The following CDH12 variants were observed in gnomAD, a reference collection of about 807,000 sequenced individuals.
The protein encoded by CDH12 is cadherin 12.
In CDH12, 41 loss-of-function variants were observed where a neutral mutation model predicts 74.1. The observed-to-expected ratio is 0.55, with a 90% CI of 0.43 to 0.72. CDH12 has a LOEUF of 0.72. CDH12 is among the 30% of genes least tolerant of loss of function. The pLI, the probability that CDH12 is intolerant of heterozygous loss-of-function variation, is 0.00. For missense variants in CDH12, 945 were observed against 977.2 expected, an observed-to-expected ratio of 0.97 and a Z score of 0.44; for synonymous variants, 399 against 355.0, an observed-to-expected ratio of 1.12 and a Z score of -1.39.
At chr5:22,138,593 A>G (rs1393854551) in intron 4 of CDH12, among the ~76,000 whole-genome samples, 1 of 150,554 alleles carries the variant, frequency 6.6e-6, no homozygotes, top group Non-Finnish European at 1.5e-5. Flanking sequence ...AATTTGATGG[A>G]AGCATTTTTT....
intron 1 of CDH12, among the ~76,000 whole-genome samples, chr5:22,661,090 C>G (rs993056060): frequency 6.6e-6 from 1 of 151,712 alleles, no homozygotes; most frequent in Non-Finnish European, 1.5e-5. Flanking sequence ...GAGCCTGATA[C>G]TTCTAATGTG....
At chr5:22,549,479 A>G (rs1207017233) in intron 1 of CDH12, among the ~76,000 whole-genome samples, 1 of 151,944 alleles carries the variant, frequency 6.6e-6, no homozygotes, top group Non-Finnish European at 1.5e-5. Context: ...AAGATACTTT[A>G]TATTTTTGTA....
intron 6 of CDH12, among the ~76,000 whole-genome samples, chr5:21,912,638 G>C (rs1753907096): frequency 6.6e-6 from 1 of 152,142 alleles, no homozygotes; most frequent in South Asian, 2.1e-4. Flanking sequence ...GGCAGCAGTT[G>C]TTAACTTTGA....
Position 22,512,968 on chromosome 5 carries a change from C to T in CDH12, c.-522-7604G>A, listed in dbSNP as rs933084386. ...ACCCAGGAGGGTTGAACCCAGGAGG[C>T]GGAGGTTGCAGTGAGCCGAGATCCC... On this transcript the variant is annotated intron_variant, in intron 1 of 14. Coordinates refer to ENST00000382254, the MANE Select transcript of CDH12 (RefSeq NM_004061.5). 3.9e-5 allele frequency among the ~76,000 whole-genome samples: 6 copies of T among 152,068 alleles called. 1 individual carries two copies. The highest frequency in any genetic ancestry group is 3.3e-4 in the Admixed American group (5 of 15,274).
intron 9 of CDH12, among the ~76,000 whole-genome samples, chr5:21,805,909 T>C (rs1387388522): frequency 1.3e-5 from 2 of 152,108 alleles, no homozygotes; most frequent in African/African-American, 4.8e-5. Flanking sequence ...CATTTAATGG[T>C]TATGAACCTC....
chr5:22,499,405 A>G (rs1345137053), intron 2 of CDH12, among the ~76,000 whole-genome samples: 1 of 152,158 alleles, frequency 6.6e-6, no homozygotes, highest in Non-Finnish European at 1.5e-5. Flanking sequence ...ATGGCAGAAA[A>G]GTCTAGCTGG....
intron 3 of CDH12, among the ~76,000 whole-genome samples, chr5:22,404,271 C>T (rs1449976816): frequency 6.6e-6 from 1 of 151,918 alleles, no homozygotes; most frequent in African/African-American, 2.4e-5. Flanking sequence ...CACAAACTCA[C>T]CTATTTAGAT....
chr5:22,152,327 T>C (rs1161166415), intron 4 of CDH12: 1 of 152,310 alleles, frequency 6.6e-6, no homozygotes, highest in East Asian at 1.9e-4. Context: ...TGCTGAACAT[T>C]AGACATAATT....
chr5:22,726,686 C>A (rs140926890), intron 1 of CDH12, among the ~76,000 whole-genome samples: 1 of 151,766 alleles, frequency 6.6e-6, no homozygotes, highest in African/African-American at 2.4e-5. Flanking sequence ...GATGTTTTTA[C>A]AACAGAACAT....
chr5:22,563,312 G>T (rs1466210502), intron 1 of CDH12, among the ~76,000 whole-genome samples: 1 of 151,912 alleles, frequency 6.6e-6, no homozygotes, highest in Non-Finnish European at 1.5e-5. Context: ...TTTTTGATTT[G>T]CATTTCTCTG....
intron 3 of CDH12, among the ~76,000 whole-genome samples, chr5:22,269,579 TAA>T: frequency 6.6e-6 from 1 of 152,312 alleles, no homozygotes; most frequent in East Asian, 1.9e-4. Flanking sequence ...CAAACTAATG[TAA>T]AACTAGTGAT....
chr5:22,691,532 T>C (rs1045830295), intron 1 of CDH12, among the ~76,000 whole-genome samples: 1 of 152,196 alleles, frequency 6.6e-6, no homozygotes, highest in Non-Finnish European at 1.5e-5. Context: ...AGAAAACACA[T>C]CTTAAACTTT....
chr5:22,428,957 A>G (rs978437890), intron 2 of CDH12, among the ~76,000 whole-genome samples: 1 of 152,152 alleles, frequency 6.6e-6, no homozygotes, highest in Non-Finnish European at 1.5e-5. Context: ...TTGTTTTCAC[A>G]TCACATTTTT....
rs796083445 is a variant in CDH12, at chr5:21,844,397, G to A, written c.647-2069C>T. Among the ~76,000 whole-genome samples the A allele has an allele frequency of 1.9e-4, 29 of 151,426 alleles. 1 individual carries two copies. The highest frequency in any genetic ancestry group is 6.3e-4 in the African/African-American group (26 of 41,328). On this transcript the variant is annotated intron_variant, in intron 7 of 14. Transcript: ENST00000382254. ...TACATTATTTTTCCTCTGGAACAGC[G>A]GTACTTAAATGGAAGTGGTGCTGGG...
intron 1 of CDH12, among the ~76,000 whole-genome samples, chr5:22,751,008 T>G (rs534741844): frequency 6.6e-6 from 1 of 151,452 alleles, no homozygotes; most frequent in African/African-American, 2.4e-5. Flanking sequence ...GAATTTAAAA[T>G]AAATCTTTAC....
intron 1 of CDH12, among the ~76,000 whole-genome samples, chr5:22,563,902 C>T (rs941972161): frequency 1.3e-5 from 2 of 152,114 alleles, no homozygotes; most frequent in Non-Finnish European, 2.9e-5. Flanking sequence ...TAGAGTACAG[C>T]ATGAGAAAGA....
intron 6 of CDH12, among the ~76,000 whole-genome samples, chr5:21,890,064 C>A (rs1191962966): frequency 6.6e-6 from 1 of 151,394 alleles, no homozygotes; most frequent in Non-Finnish European, 1.5e-5. Flanking sequence ...ATGACTGACA[C>A]TTAAATGAAT....
chr5:22,218,817 G>A (rs1370573319), intron 3 of CDH12, among the ~76,000 whole-genome samples: 1 of 151,608 alleles, frequency 6.6e-6, no homozygotes, highest in Non-Finnish European at 1.5e-5. Context: ...ATTAATAACA[G>A]ATTATGTCCA....
At chr5:22,620,496 T>C (rs1037088448) in intron 1 of CDH12, among the ~76,000 whole-genome samples, 3 of 152,074 alleles carry the variant, frequency 2.0e-5, no homozygotes, top group Non-Finnish European at 4.4e-5. Context: ...AAGAGATTAG[T>C]GCACTCTCTG....
Sources: gnomAD v4.1 joint callset for allele counts (sites outside exome capture counted in the v4.1 genomes callset) on GRCh38, gnomAD v4.1.1 for gene constraint, MANE v1.5 for transcripts, NCBI Gene and HGNC (gene_info 2026-07-23, HGNC 2026-07-21) for gene names.